The following FLT3 variants were observed in gnomAD, a reference collection of about 807,000 sequenced individuals.
The protein encoded by FLT3 is receptor-type tyrosine-protein kinase FLT3.
FLT3 carries 46 observed loss-of-function variants against 126.6 expected under a neutral mutation model. That is an observed-to-expected ratio of 0.36 (90% CI 0.29 to 0.46). The LOEUF is 0.46. Among genes scored for constraint, FLT3 ranks in the 20% least tolerant of loss-of-function variants. The pLI is 1.00. For synonymous variants in FLT3, 404 were observed against 434.4 expected (o/e 0.93, Z 0.87); for missense variants, 1,069 against 1,190.3 (o/e 0.90, Z 1.50).
intron 12 of FLT3, among the ~76,000 whole-genome samples, 153 bp downstream of exon 12, chr13:28,035,342 C>T (rs1873734416): frequency 6.6e-6 from 1 of 152,210 alleles, no homozygotes; most frequent in African/African-American, 2.4e-5. Flanking sequence ...GTGAAACAGT[C>T]TCTCTGGGGA....
intron 1 of FLT3, among the ~76,000 whole-genome samples, chr13:28,091,278 G>A (rs901719492): frequency 1.6e-4 from 20 of 123,822 alleles, no homozygotes; most frequent in Non-Finnish European, 2.1e-4. Context: ...CTGGAGTGCA[G>A]TGGCGCGATC....
intron 5 of FLT3, 74 bp downstream of exon 5, chr13:28,052,471 G>T: frequency 1.4e-6 from 2 of 1,411,406 alleles, no homozygotes; most frequent in Non-Finnish European, 9.8e-7. Context: ...TTTACATACA[G>T]CTTGATGTCA....
intron 2 of FLT3, among the ~76,000 whole-genome samples, chr13:28,068,592 C>T (rs569838769): frequency 2.4e-4 from 37 of 152,224 alleles, no homozygotes; most frequent in African/African-American, 8.2e-4. Flanking sequence ...AATCCCAACA[C>T]TTTGGGAGGC....
intron 4 of FLT3, among the ~76,000 whole-genome samples, chr13:28,053,992 G>A (rs1358797114): frequency 6.6e-6 from 1 of 152,018 alleles, no homozygotes; most frequent in African/African-American, 2.4e-5. Flanking sequence ...TGGATTACAG[G>A]TATGAGCCAC....
At chr13:28,038,246 C>G (rs1482079557) in intron 9 of FLT3, among the ~76,000 whole-genome samples, 1 of 152,112 alleles carries the variant, frequency 6.6e-6, no homozygotes, top group African/African-American at 2.4e-5. Flanking sequence ...GTCCACCACG[C>G]CCAGCAGGCC....
chr13:28,086,158 T>C (rs1209797484), intron 1 of FLT3, among the ~76,000 whole-genome samples: 2 of 152,238 alleles, frequency 1.3e-5, no homozygotes, highest in African/African-American at 2.4e-5. Flanking sequence ...TTTTTTATTC[T>C]TTCTTCTCTT....
chr13:28,008,581 G>A (rs1438229232), intron 23 of FLT3, among the ~76,000 whole-genome samples: 1 of 152,158 alleles, frequency 6.6e-6, no homozygotes, highest in Admixed American at 6.5e-5. Context: ...CCGGTTTCAA[G>A]CACTTCTCGT....
At chr13:28,093,583 T>C (rs1191528016) in intron 1 of FLT3, among the ~76,000 whole-genome samples, 1 of 152,226 alleles carries the variant, frequency 6.6e-6, no homozygotes, top group Non-Finnish European at 1.5e-5. Context: ...AATGAAATCA[T>C]AGTTTTCCAT....
At chr13:28,079,020 T>G (rs1179456954) in intron 1 of FLT3, among the ~76,000 whole-genome samples, 1 of 152,192 alleles carries the variant, frequency 6.6e-6, no homozygotes, top group Non-Finnish European at 1.5e-5. Context: ...CCTGGGTTTT[T>G]CTTTTCTATT....
At chr13:28,019,010 C>T (rs1872145193) in intron 19 of FLT3, among the ~76,000 whole-genome samples, 1 of 151,146 alleles carries the variant, frequency 6.6e-6, no homozygotes, top group Non-Finnish European at 1.5e-5. Flanking sequence ...TCTTGTTCCC[C>T]AGGCTGGAGT....
At chr13:28,023,305 T>C (rs376122424) in intron 19 of FLT3, 45 bp downstream of exon 19, 2 of 1,571,756 alleles carry the variant, frequency 1.3e-6, no homozygotes, top group African/African-American at 1.4e-5. Flanking sequence ...AGCACATCTT[T>C]TCAAATCTTT....
At chr13:28,035,819 G>T in intron 11 of FLT3, 116 bp downstream of exon 11, 9 of 1,202,380 alleles carry the variant, frequency 7.5e-6, no homozygotes, top group Non-Finnish European at 9.7e-6. Flanking sequence ...GGTTGATTGA[G>T]AAGGTTAGCA....
intron 19 of FLT3, 93 bp from the exon 20 acceptor site, chr13:28,018,682 C>A (rs142508968): frequency 6.5e-6 from 9 of 1,380,110 alleles, no homozygotes; most frequent in African/African-American, 1.4e-5. Context: ...TAGGAGGTAC[C>A]GGTGATGGAA....
intron 2 of FLT3, among the ~76,000 whole-genome samples, chr13:28,066,169 C>A (rs1218226301): frequency 6.6e-6 from 1 of 152,076 alleles, no homozygotes; most frequent in Admixed American, 6.6e-5. Context: ...TACTTTGGAT[C>A]CCTTAAGGCT....
At position 28,052,356 on chromosome 13, in the gene FLT3, G is replaced by A. The variant is rs372985136; in HGVS notation, c.614+189C>T. Among the ~76,000 whole-genome samples, 24 of 152,100 alleles carry A rather than the reference G, an allele frequency of 1.6e-4. No individual in the cohort carries two copies. In the East Asian group the frequency reaches 4.5e-3, roughly 28 times the overall value. The stretch of plus-strand genomic sequence containing the variant: ...AGTGATCTGTCCACCTTGGCCTCCC[G>A]AAATGCTGGGATTACAGGCGTGAGC... On this transcript the variant is annotated intron_variant, in intron 5 of 23. Coordinates refer to ENST00000241453, the MANE Select transcript of FLT3 (RefSeq NM_004119.3).
chr13:28,045,734 A>C (rs1332524134), intron 9 of FLT3, among the ~76,000 whole-genome samples: 1 of 151,846 alleles, frequency 6.6e-6, no homozygotes, highest in Admixed American at 6.6e-5. Flanking sequence ...GGTGGCATGC[A>C]CCTATAATCC....
At chr13:28,008,275 CAAAAAAAAAAA>C (rs11409962) in intron 23 of FLT3, among the ~76,000 whole-genome samples, 2 of 87,102 alleles carry the variant, frequency 2.3e-5, no homozygotes, top group Admixed American at 3.0e-4. Flanking sequence ...GAACCTGTCT[CAAAAAAAAAAA>C]AAAAAAAAAA....
At chr13:28,043,017 C>T (rs1389124259) in intron 9 of FLT3, among the ~76,000 whole-genome samples, 1 of 151,988 alleles carries the variant, frequency 6.6e-6, no homozygotes, top group East Asian at 1.9e-4. Flanking sequence ...CCCAAACGAC[C>T]ACCACACAGC....
In FLT3 at chr13:28,050,271, C is replaced by G. The variant is rs189461163; in HGVS notation, c.615-49G>C. The G allele has an allele frequency of 4.8e-5, 75 of 1,574,670 alleles. No homozygotes were observed. In the African/African-American group the frequency reaches 1.1e-3, roughly 22 times the overall value. On this transcript the variant is annotated intron_variant, in intron 5 of 23. Transcript: ENST00000241453. ...TTTGGCTAAACAAGTTTTAAAATTA[C>G]AAATGAATGCTCAAGAGGAGAACAA...
Sources: allele counts gnomAD v4.1 joint callset (sites outside exome capture counted in the v4.1 genomes callset), GRCh38; gene constraint gnomAD v4.1.1; transcripts MANE v1.5; gene names NCBI Gene and HGNC (gene_info 2026-07-23, HGNC 2026-07-21).